The following UBE3B variants were observed in gnomAD, a reference collection of about 807,000 sequenced individuals.
UBE3B encodes the protein ubiquitin-protein ligase E3B.
UBE3B carries 80 observed loss-of-function variants against 132.3 expected under a neutral mutation model. The observed-to-expected ratio is 0.60, with a 90% CI of 0.50 to 0.73. The LOEUF (loss-of-function observed/expected upper bound fraction) is 0.73, where lower values mean the gene tolerates loss of function less well. Among genes scored for constraint, UBE3B ranks in the 30% least tolerant of loss-of-function variants. The probability of loss-of-function intolerance (pLI) is 0.00; values close to 1 mark genes in which losing one functional copy is unlikely to be tolerated. For synonymous variants in UBE3B, 487 were observed against 520.4 expected, an observed-to-expected ratio of 0.94 and a Z score of 0.87; for missense variants, 1,196 against 1,362.5, an observed-to-expected ratio of 0.88 and a Z score of 1.92.
intron 18 of UBE3B, among the ~76,000 whole-genome samples, chr12:109,516,202 C>T (rs1346051329): frequency 7.6e-5 from 9 of 119,150 alleles, no homozygotes; most frequent in African/African-American, 2.5e-4. Context: ...GACAGAGTCT[C>T]ACTCTGTCCC....
At chr12:109,541,181 C>G (rs1225563359), downstream of UBE3B, among the ~76,000 whole-genome samples, 1 of 152,200 alleles carries the variant, frequency 6.6e-6, no homozygotes, top group Non-Finnish European at 1.5e-5. Flanking sequence ...CTAGTCTGGT[C>G]AGCTCTGATG....
At chr12:109,481,301 G>A (rs1248260009) in intron 1 of UBE3B, among the ~76,000 whole-genome samples, 2 of 149,576 alleles carry the variant, frequency 1.3e-5, no homozygotes, top group African/African-American at 2.5e-5. Context: ...CAGCGACAGA[G>A]TGAGACTATC....
At chr12:109,519,908 C>T (rs1338689274) in intron 19 of UBE3B, 4 of 151,068 alleles carry the variant, frequency 2.6e-5, no homozygotes, top group African/African-American at 9.8e-5. Context: ...ATAGGATAGT[C>T]CTTTGGGGAT....
At chr12:109,504,065 A>C (rs1424872543) in intron 14 of UBE3B, among the ~76,000 whole-genome samples, 1 of 152,210 alleles carries the variant, frequency 6.6e-6, no homozygotes, top group Non-Finnish European at 1.5e-5. Context: ...GCAAGTAAAA[A>C]GTAGGGCTCA....
rs535709820 is a variant in UBE3B at position 109,490,026 on chromosome 12, G to A, written c.630+22G>A. On this transcript the variant is annotated intron_variant, in intron 8 of 27. Coordinates refer to ENST00000342494, the MANE Select transcript of UBE3B (RefSeq NM_130466.4). Reference sequence around the variant, plus strand: ...GCAGGTCTGTGACTCCTGCCCCCCAGTGTGCAACTTCTCCACTCTCCAACA... The same window carrying A: ...GCAGGTCTGTGACTCCTGCCCCCCAATGTGCAACTTCTCCACTCTCCAACA... The A allele has an allele frequency of 3.1e-6, 5 of 1,609,770 alleles. No homozygotes were observed. The East Asian group carries it at 1.1e-4, about 36-fold the overall frequency.
rs78831476 is a variant in UBE3B at position 109,500,832 on chromosome 12, G to T, written c.1119-539G>T. On this transcript the variant is annotated intron_variant, in intron 12 of 27. Coordinates refer to ENST00000342494, the MANE Select transcript of UBE3B (RefSeq NM_130466.4). Reference sequence around the variant, plus strand: ...CACCTACCAGCAGGCAGGCCTGGCCGTACTCAGGGGTGGCGGCTATTAACA... The same window carrying T: ...CACCTACCAGCAGGCAGGCCTGGCCTTACTCAGGGGTGGCGGCTATTAACA... Among the ~76,000 whole-genome samples the T allele has an allele frequency of 3.3e-5, 5 of 152,344 alleles. No individual in the cohort carries two copies. The East Asian group carries it at 7.7e-4, about 23-fold the overall frequency.
Position 109,493,632 on chromosome 12 carries a change from T to C in UBE3B, c.713+2505T>C, listed in dbSNP as rs577239113. ...AATGTTTGTATATAATTGAACACAA[T>C]CAGGACCTTTTAAAGTAAGATATCA... On this transcript the variant is annotated intron_variant, in intron 9 of 27. Transcript: ENST00000342494. Among the ~76,000 whole-genome samples the C allele has an allele frequency of 1.9e-4, 29 of 152,290 alleles. 1 individual carries two copies. In the South Asian group the frequency reaches 5.6e-3, roughly 29 times the overall value.
Position 109,489,970 on chromosome 12 carries a change from A to G in UBE3B, c.596A>G (p.His199Arg), listed in dbSNP as rs1225929423. The stretch of plus-strand genomic sequence containing the variant: ...CACATTTGTGCAAATATAATGGGAC[A>G]TCTCAACCAGCATGGATTTTATTCT... ...MNHICANIMG[H>R]LNQHGFYSVL... Residue 199 changes from histidine to arginine, a missense_variant, in exon 8 of 28, where the codon CAT (histidine) becomes CGT (arginine). Transcript: ENST00000342494. 2 of 1,614,254 alleles carry G rather than the reference A, an allele frequency of 1.2e-6. No individual in the cohort carries two copies. Among genetic ancestry groups the G allele is most frequent in the Non-Finnish European group, 8.5e-7 (1 of 1,180,040 alleles).
At chr12:109,526,209 G>A in intron 23 of UBE3B, 149 bp from the exon 24 acceptor site, 1 of 781,442 alleles carries the variant, frequency 1.3e-6, no homozygotes, top group Admixed American at 2.6e-5. Flanking sequence ...TTTCAGCCTT[G>A]ACTTTTTATG....
chr12:109,512,296 G>T (rs1225321588), intron 18 of UBE3B, among the ~76,000 whole-genome samples: 1 of 152,144 alleles, frequency 6.6e-6, no homozygotes, highest in African/African-American at 2.4e-5. Context: ...GAAGTCCAGG[G>T]CACTGAGGCA....
chr12:109,531,438 C>T (rs2136133233), intron 26 of UBE3B, among the ~76,000 whole-genome samples: 1 of 152,294 alleles, frequency 6.6e-6, no homozygotes, highest in East Asian at 1.9e-4. Flanking sequence ...CACCAGCCTT[C>T]CTACTTGACA....
In UBE3B at chr12:109,510,330, T is replaced by A. The variant is rs756881415; in HGVS notation, c.1742-14T>A. 1 of 1,587,034 alleles carries A rather than the reference T, an allele frequency of 6.3e-7. No homozygotes were observed. Among genetic ancestry groups the A allele is most frequent in the African/African-American group, 1.3e-5 (1 of 74,744 alleles). On this transcript the variant is annotated splice_polypyrimidine_tract_variant and intron_variant, in intron 16 of 27. Transcript: ENST00000342494. ...TGACTCCTCCTCTGACTTTCCTGTT[T>A]GTTTGTCCCACAGAGAACGCCAAGG...
rs534120612 is a variant in UBE3B at position 109,532,684 on chromosome 12, C to G, written c.2923-782C>G. Among the ~76,000 whole-genome samples the G allele has an allele frequency of 2.6e-5, 4 of 152,352 alleles. No individual in the cohort carries two copies. The East Asian group carries it at 7.7e-4, about 29-fold the overall frequency. The stretch of plus-strand genomic sequence containing the variant: ...AGCTAGCACATTTGCAGGAATAACG[C>G]AGGGGCTGCCGCTTGGAGAACGCCG... On this transcript the variant is annotated intron_variant, in intron 26 of 27. Coordinates refer to ENST00000342494, the MANE Select transcript of UBE3B (RefSeq NM_130466.4).
At chr12:109,517,958 G>A (rs1029213437) in intron 19 of UBE3B, 1 of 448,044 alleles carries the variant, frequency 2.2e-6, no homozygotes, top group Non-Finnish European at 4.5e-6. Context: ...TCAATGCCGA[G>A]AGCTGCTAGG....
At chr12:109,491,217 T>C (rs1877417162) in intron 9 of UBE3B, 90 bp downstream of exon 9, 2 of 1,219,202 alleles carry the variant, frequency 1.6e-6, no homozygotes, top group Non-Finnish European at 2.3e-6. Flanking sequence ...GTATTAGGTA[T>C]AGACTTGCCC....
chr12:109,511,581 G>A (rs1391998781), intron 18 of UBE3B, among the ~76,000 whole-genome samples: 15 of 152,274 alleles, frequency 9.9e-5, no homozygotes, highest in Admixed American at 8.5e-4. Context: ...AGGGTCCCAC[G>A]GGCAAAAGTG....
At chr12:109,531,277 C>G (rs575427913) in intron 26 of UBE3B, among the ~76,000 whole-genome samples, 1 of 152,270 alleles carries the variant, frequency 6.6e-6, no homozygotes, top group Admixed American at 6.5e-5. Context: ...TGTAAATGTT[C>G]AAAATATTCC....
chr12:109,546,271 C>T, the UBE3B span, among the ~76,000 whole-genome samples: 2 of 152,164 alleles, frequency 1.3e-5, no homozygotes, highest in Non-Finnish European at 2.9e-5. Context: ...CTGGGTGGCT[C>T]ATCCCAGCGA....
chr12:109,495,413 A>G (rs571155033), intron 9 of UBE3B, among the ~76,000 whole-genome samples: 234 of 152,206 alleles, frequency 1.5e-3, no homozygotes, highest in African/African-American at 5.5e-3. Flanking sequence ...CATCTCATAC[A>G]CTTTATTCAT....
Sources: gnomAD v4.1 joint callset for allele counts (sites outside exome capture counted in the v4.1 genomes callset) on GRCh38, gnomAD v4.1.1 for gene constraint, MANE v1.5 for transcripts, NCBI Gene and HGNC (gene_info 2026-07-23, HGNC 2026-07-21) for gene names.